Variants in GALNT13 observed in about 807,000 individuals in gnomAD.
GALNT13 encodes the protein UDP-GalNAc:polypeptide N-acetylgalactosaminyltransferase 13.
In GALNT13, 28 loss-of-function variants were observed where a neutral mutation model predicts 64.2. The observed-to-expected ratio is 0.44, with a 90% CI of 0.32 to 0.60. GALNT13 has a LOEUF of 0.60. GALNT13 is among the 20% of genes least tolerant of loss of function. The pLI, the probability that GALNT13 is intolerant of heterozygous loss-of-function variation, is 0.05. For synonymous variants in GALNT13, 214 were observed against 224.6 expected (o/e 0.95, Z 0.42); for missense variants, 577 against 669.8 (o/e 0.86, Z 1.53).
At chr2:153,247,193 C>G in the GALNT13 span, among the ~76,000 whole-genome samples, 5 of 152,144 alleles carry the variant, frequency 3.3e-5, no homozygotes, top group Admixed American at 2.6e-4. Context: ...TAGTGGGAAA[C>G]TTTAACACCC....
At chr2:153,829,362 G>A in the GALNT13 span, among the ~76,000 whole-genome samples, 1 of 152,206 alleles carries the variant, frequency 6.6e-6, no homozygotes, top group Admixed American at 6.5e-5. Context: ...GGCTGGGGAG[G>A]CCTGACAATC....
chr2:154,285,239 C>T (rs112274289), intron 8 of GALNT13, among the ~76,000 whole-genome samples: 2,921 of 152,128 alleles, frequency 0.019, 67 homozygotes, highest in African/African-American at 0.059. Context: ...TAATTTGTCT[C>T]TTTTTGCTTT....
At chr2:153,338,402 CTG>C in the GALNT13 span, among the ~76,000 whole-genome samples, 1 of 151,988 alleles carries the variant, frequency 6.6e-6, no homozygotes, top group South Asian at 2.1e-4. Flanking sequence ...AGTGATAAAA[CTG>C]GGATTAAAAC....
the GALNT13 span, among the ~76,000 whole-genome samples, chr2:153,709,764 C>T: frequency 6.6e-6 from 1 of 151,906 alleles, no homozygotes; most frequent in East Asian, 1.9e-4. Flanking sequence ...CAAATGGATA[C>T]AGAAAATGTG....
chr2:153,308,638 T>G, the GALNT13 span, among the ~76,000 whole-genome samples: 1 of 152,210 alleles, frequency 6.6e-6, no homozygotes, highest in African/African-American at 2.4e-5. Context: ...AAATTCTGAA[T>G]GTACAACTGT....
chr2:153,311,650 T>C, the GALNT13 span, among the ~76,000 whole-genome samples: 1 of 152,178 alleles, frequency 6.6e-6, no homozygotes, highest in Non-Finnish European at 1.5e-5. Context: ...TGTTCAAGAC[T>C]CACTCATAGC....
chr2:153,309,599 C>T, the GALNT13 span, among the ~76,000 whole-genome samples: 7 of 151,906 alleles, frequency 4.6e-5, no homozygotes, highest in African/African-American at 1.7e-4. Context: ...GCTTTGTCAA[C>T]ACTTTCTTTT....
the GALNT13 span, among the ~76,000 whole-genome samples, chr2:153,561,001 T>G: frequency 3.9e-5 from 6 of 152,164 alleles, no homozygotes; most frequent in East Asian, 1.2e-3. Context: ...ATATTTTTCC[T>G]TATATCTCTT....
chr2:153,823,125 T>C, the GALNT13 span, among the ~76,000 whole-genome samples: 1 of 152,156 alleles, frequency 6.6e-6, no homozygotes, highest in South Asian at 2.1e-4. Context: ...AAATCATAAA[T>C]GGCACAAACA....
the GALNT13 span, among the ~76,000 whole-genome samples, chr2:153,568,696 G>A: frequency 6.6e-6 from 1 of 152,098 alleles, no homozygotes; most frequent in African/African-American, 2.4e-5. Flanking sequence ...ATTTCCAAAA[G>A]CTGAATACAC....
the GALNT13 span, among the ~76,000 whole-genome samples, chr2:153,694,477 C>T: frequency 1.7e-4 from 26 of 152,222 alleles, no homozygotes; most frequent in African/African-American, 6.3e-4. Flanking sequence ...ATAAATCTCA[C>T]AGATATAATG....
the GALNT13 span, among the ~76,000 whole-genome samples, chr2:153,366,018 A>G: frequency 0.015 from 2,240 of 152,264 alleles, 64 homozygotes; most frequent in African/African-American, 0.05. Flanking sequence ...TAGGCTGGAA[A>G]AAGAAAATGT....
At chr2:154,282,224 T>C (rs1321274706) in intron 8 of GALNT13, among the ~76,000 whole-genome samples, 1 of 152,164 alleles carries the variant, frequency 6.6e-6, no homozygotes, top group Non-Finnish European at 1.5e-5. Context: ...TTTTTCTCGT[T>C]TTAAAACATC....
At chr2:153,413,334 G>C in the GALNT13 span, among the ~76,000 whole-genome samples, 3 of 152,094 alleles carry the variant, frequency 2.0e-5, no homozygotes, top group South Asian at 6.2e-4. Context: ...GTGCACTGGG[G>C]TATAAGCAAA....
At chr2:153,323,911 G>A in the GALNT13 span, among the ~76,000 whole-genome samples, 1 of 152,130 alleles carries the variant, frequency 6.6e-6, no homozygotes, top group Non-Finnish European at 1.5e-5. Flanking sequence ...ATATTTTAAA[G>A]TCAGGTAGCA....
At chr2:153,647,420 G>C in the GALNT13 span, among the ~76,000 whole-genome samples, 1 of 152,148 alleles carries the variant, frequency 6.6e-6, no homozygotes, top group Admixed American at 6.5e-5. Context: ...TAGGTTGTCT[G>C]TTCACTCTGA....
At chr2:153,537,744 C>T in the GALNT13 span, among the ~76,000 whole-genome samples, 4 of 152,062 alleles carry the variant, frequency 2.6e-5, no homozygotes, top group Non-Finnish European at 4.4e-5. Context: ...TTTTATAAGG[C>T]GATTTTCCCC....
At chr2:154,401,414 T>A (rs972333803) in intron 10 of GALNT13, among the ~76,000 whole-genome samples, 1 of 152,108 alleles carries the variant, frequency 6.6e-6, no homozygotes, top group Non-Finnish European at 1.5e-5. Context: ...ATGCGGACAT[T>A]TTTCTGTTCA....
At chr2:154,184,242 T>G (rs528903780) in intron 4 of GALNT13, among the ~76,000 whole-genome samples, 1 of 152,226 alleles carries the variant, frequency 6.6e-6, no homozygotes, top group Non-Finnish European at 1.5e-5. Context: ...CTCTTCTCAC[T>G]TTTTGTAACT....
Sources: allele counts gnomAD v4.1 joint callset (sites outside exome capture counted in the v4.1 genomes callset), GRCh38; gene constraint gnomAD v4.1.1; transcripts MANE v1.5; gene names NCBI Gene and HGNC (gene_info 2026-07-23, HGNC 2026-07-21).